HDAC4: variants seen among roughly 807,000 people sequenced by gnomAD.
HDAC4 encodes histone deacetylase 4, also known as histone deacetylase A.
Under a neutral mutation model 135.1 loss-of-function variants are expected in HDAC4, and 16 were observed. That is an observed-to-expected ratio of 0.12 (90% CI 0.08 to 0.18). The LOEUF (loss-of-function observed/expected upper bound fraction) is 0.18. HDAC4 is among the 10% of genes least tolerant of loss of function. The probability of loss-of-function intolerance (pLI) is 1.00; values close to 1 mark genes in which losing one functional copy is unlikely to be tolerated. For missense variants in HDAC4, 1,143 were observed against 1,511.8 expected (o/e 0.76, Z 4.05); for synonymous variants, 685 against 653.4 (o/e 1.05, Z -0.74).
At position 239,249,487 on chromosome 2, in the gene HDAC4, T is replaced by G. The variant is rs555035664; in HGVS notation, c.23-12823A>C. On this transcript the variant is annotated intron_variant, in intron 2 of 26. Transcript: ENST00000543185. ...AAGCCGGAAATCCAAAATGCAGATT[T>G]GATGGAACCTGCTGATTTTAAGAGA... Among the ~76,000 whole-genome samples the G allele has an allele frequency of 1.5e-3, 221 of 152,282 alleles. 1 individual carries two copies. The highest frequency in any genetic ancestry group is 2.8e-3 in the Non-Finnish European group (188 of 68,016).
Position 239,307,584 on chromosome 2 carries a change from C to CA in HDAC4, c.22+45093_22+45094insT, listed in dbSNP as rs2052664933. 1.3e-5 allele frequency among the ~76,000 whole-genome samples: 2 copies of CA among 152,168 alleles called. No homozygotes were observed. The highest frequency in any genetic ancestry group is 2.4e-5 in the African/African-American group (1 of 41,436). ...AAGTGAGTGTCTGCTTCCTGGACCT[C>CA]GCAGACTCACCAGGGACCCTAAACT... On this transcript the variant is annotated intron_variant, in intron 2 of 26. Transcript: ENST00000543185. The surrounding 1 kb of genome is among the most constrained non-coding windows in gnomAD (Gnocchi z 4.8).
chr2:239,063,631 G>A (rs1559357432), intron 24 of HDAC4, among the ~76,000 whole-genome samples: 2 of 152,214 alleles, frequency 1.3e-5, no homozygotes, highest in African/African-American at 2.4e-5. Flanking sequence ...CTGGCCATGC[G>A]TCCCTCTCTC....
rs916317103 is a variant in HDAC4 at position 239,400,808 on chromosome 2, A to T, written c.-220+170T>A. ...TCGGGCTCGGGCGGCGACAGCCGGG[A>T]CGCGGCCACGGCGCCGCCGGGGGCC... On this transcript the variant is annotated intron_variant, in intron 1 of 26. Transcript: ENST00000543185. This position sits in a 1 kb window ranked among gnomAD's most constrained non-coding sequence, Gnocchi z 4.7. 1 of 141,956 alleles carries T rather than the reference A, an allele frequency of 7.0e-6. No individual in the cohort carries two copies. Among genetic ancestry groups the T allele is most frequent in the Non-Finnish European group, 1.6e-5 (1 of 64,348 alleles). 8.8% of individuals were successfully genotyped at this position (141,956 alleles called of 1,614,324 possible). A position where few individuals can be genotyped will look rare whatever the true frequency, so the allele number is the denominator to read the frequency against.
At chr2:239,268,606 C>A (rs2049881402) in intron 2 of HDAC4, among the ~76,000 whole-genome samples, 1 of 152,240 alleles carries the variant, frequency 6.6e-6, no homozygotes, top group African/African-American at 2.4e-5. Flanking sequence ...AGAACCTGCC[C>A]TGTGACTAGA....
At chr2:239,202,697 A>G (rs2045830491) in intron 3 of HDAC4, among the ~76,000 whole-genome samples, 1 of 152,146 alleles carries the variant, frequency 6.6e-6, no homozygotes, top group Non-Finnish European at 1.5e-5. Flanking sequence ...ATCACCGTCC[A>G]GGAGAGACAA....
At position 239,309,548 on chromosome 2, in the gene HDAC4, C is replaced by A. The variant is rs746570576; in HGVS notation, c.22+43130G>T. On this transcript the variant is annotated intron_variant, in intron 2 of 26. Coordinates refer to ENST00000543185, the MANE Select transcript of HDAC4 (RefSeq NM_001378414.1). This position sits in a 1 kb window ranked among gnomAD's most constrained non-coding sequence, Gnocchi z 4.2. Reference sequence around the variant, plus strand: ...AGTTAGAGGGAAATACGATTTATCTCTGGCCTGCATTTACTTCTCCTGCAC... The same window carrying A: ...AGTTAGAGGGAAATACGATTTATCTATGGCCTGCATTTACTTCTCCTGCAC... 5.3e-5 allele frequency among the ~76,000 whole-genome samples: 8 copies of A among 152,268 alleles called. No individual in the cohort carries two copies. Among genetic ancestry groups the A allele is most frequent in the Non-Finnish European group, 8.8e-5 (6 of 68,048 alleles).
At chr2:239,334,941 C>T (rs143457713) in intron 2 of HDAC4, among the ~76,000 whole-genome samples, 3,367 of 144,536 alleles carry the variant, frequency 0.023, 51 homozygotes, top group South Asian at 0.038. Flanking sequence ...AGGAGAATGG[C>T]GTGAACCTGG....
At chr2:239,120,214 G>A (rs557153557) in intron 12 of HDAC4, among the ~76,000 whole-genome samples, 10 of 152,162 alleles carry the variant, frequency 6.6e-5, no homozygotes, top group African/African-American at 1.4e-4. Context: ...GGAGCAGTAC[G>A]CAGGTGGAAT....
chr2:239,314,109 A>C (rs2053012562), intron 2 of HDAC4, among the ~76,000 whole-genome samples: 1 of 152,172 alleles, frequency 6.6e-6, no homozygotes, highest in African/African-American at 2.4e-5. Context: ...ATGAGGCCTG[A>C]TGAGCATCCC....
intron 3 of HDAC4, among the ~76,000 whole-genome samples, chr2:239,200,960 G>A (rs1384300660): frequency 2.6e-5 from 4 of 152,206 alleles, no homozygotes; most frequent in Admixed American, 2.6e-4. Context: ...TCGAGCAGGA[G>A]GTGGGAGAGG....
At chr2:239,075,211 G>C (rs1259873515) in intron 22 of HDAC4, among the ~76,000 whole-genome samples, 2 of 100,272 alleles carry the variant, frequency 2.0e-5, no homozygotes, top group African/African-American at 7.9e-5. Context: ...GCGACAGAAT[G>C]AGACTCCGTC....
intron 7 of HDAC4, among the ~76,000 whole-genome samples, chr2:239,148,625 C>T (rs894797418): frequency 7.9e-5 from 12 of 152,328 alleles, no homozygotes; most frequent in Non-Finnish European, 1.2e-4. Context: ...TCCAAGAGTG[C>T]GACAGAATAA....
At chr2:239,374,117 G>A (rs754611139) in intron 1 of HDAC4, among the ~76,000 whole-genome samples, 2 of 152,188 alleles carry the variant, frequency 1.3e-5, no homozygotes, top group Non-Finnish European at 2.9e-5. Context: ...CGCAGAACAG[G>A]CACCAACGGA....
chr2:239,197,359 T>A (rs763625393), intron 3 of HDAC4, among the ~76,000 whole-genome samples: 1 of 152,224 alleles, frequency 6.6e-6, no homozygotes, highest in Non-Finnish European at 1.5e-5. Context: ...TCCGGGTATC[T>A]ATAAGGTCTT....
intron 2 of HDAC4, among the ~76,000 whole-genome samples, chr2:239,279,069 G>A (rs1005935798): frequency 9.2e-5 from 14 of 152,260 alleles, no homozygotes; most frequent in Admixed American, 4.6e-4. Flanking sequence ...TGCCCCAGGC[G>A]GGGAAAGTGG....
At chr2:239,325,289 G>A (rs1397037238) in intron 2 of HDAC4, among the ~76,000 whole-genome samples, 1 of 152,166 alleles carries the variant, frequency 6.6e-6, no homozygotes, top group African/African-American at 2.4e-5. Context: ...CATCCAGAGA[G>A]TGAAATGACA....
intron 3 of HDAC4, among the ~76,000 whole-genome samples, chr2:239,235,436 C>A (rs2047830649): frequency 6.6e-6 from 1 of 152,256 alleles, no homozygotes; most frequent in Admixed American, 6.5e-5. Flanking sequence ...GCACAGGCGG[C>A]AGCAAAGGCT....
chr2:239,162,448 C>T (rs2042865804), intron 6 of HDAC4: 1 of 418,626 alleles, frequency 2.4e-6, no homozygotes. Flanking sequence ...AACCCCACGC[C>T]CTGCCCCAGC....
At chr2:239,298,358 C>T in intron 2 of HDAC4, 1 of 1,197,380 alleles carries the variant, frequency 8.4e-7, no homozygotes, top group Non-Finnish European at 1.1e-6. Context: ...CAGAACCTGA[C>T]ACACAGTAGG....
Sources: allele counts gnomAD v4.1 joint callset (sites outside exome capture counted in the v4.1 genomes callset), GRCh38; gene constraint gnomAD v4.1.1; non-coding constraint Gnocchi (gnomAD v3.1); transcripts MANE v1.5; gene names NCBI Gene and HGNC (gene_info 2026-07-23, HGNC 2026-07-21).